The following ZMYM2 variants were observed in gnomAD, a reference collection of about 807,000 sequenced individuals.
The protein encoded by ZMYM2 is zinc finger MYM-type protein 2.
A neutral mutation model predicts 162.8 loss-of-function variants in ZMYM2; 56 were observed. The observed-to-expected ratio is 0.34, with a 90% confidence interval of 0.28 to 0.43. The LOEUF is 0.43. Among genes scored for constraint, ZMYM2 ranks in the 20% least tolerant of loss-of-function variants. The pLI is 1.00. For missense variants in ZMYM2, 1,275 were observed against 1,621.8 expected (o/e 0.79, Z 3.67); for synonymous variants, 510 against 541.6 (o/e 0.94, Z 0.81).
chr13:20,014,930 A>T (rs1477509043), intron 6 of ZMYM2, among the ~76,000 whole-genome samples: 1 of 151,636 alleles, frequency 6.6e-6, no homozygotes, highest in South Asian at 2.1e-4. Context: ...ACACCTGGCT[A>T]ATTTTTGTAT....
At chr13:19,884,772 G>A in the ZMYM2 span, among the ~76,000 whole-genome samples, 6 of 151,902 alleles carry the variant, frequency 3.9e-5, no homozygotes, top group Admixed American at 2.0e-4. Flanking sequence ...ACATAGTGCC[G>A]ACGCCCCCAA....
At chr13:19,937,584 C>CT in the ZMYM2 span, among the ~76,000 whole-genome samples, 61 of 131,224 alleles carry the variant, frequency 4.6e-4, no homozygotes, top group South Asian at 1.7e-3. Context: ...CTGTATTCTG[C>CT]TTTTTTTTTT....
At chr13:20,029,096 C>G (rs1952837873) in intron 9 of ZMYM2, among the ~76,000 whole-genome samples, 1 of 152,182 alleles carries the variant, frequency 6.6e-6, no homozygotes, top group South Asian at 2.1e-4. Flanking sequence ...ACTGCTATTA[C>G]AGAATACCTT....
At chr13:20,004,454 A>G (rs12868716) in intron 4 of ZMYM2, among the ~76,000 whole-genome samples, 4 of 151,940 alleles carry the variant, frequency 2.6e-5, no homozygotes, top group African/African-American at 9.7e-5. Flanking sequence ...ACGGGGTTTC[A>G]CCATGTTAGC....
chr13:19,958,785 A>C lies in ZMYM2; in HGVS notation c.-136A>C. ...CCGAGCGGAGTTGTGCGTGTCGCCGAAGGGGGGTGGGCCGGGGGAGGGGAG... is the reference window on the plus strand; with the variant it reads ...CCGAGCGGAGTTGTGCGTGTCGCCGCAGGGGGGTGGGCCGGGGGAGGGGAG... On this transcript the variant is annotated 5_prime_UTR_variant, in exon 1 of 25. Coordinates refer to ENST00000610343, the MANE Select transcript of ZMYM2 (RefSeq NM_197968.4). 1 of 130,522 alleles carries C rather than the reference A, an allele frequency of 7.7e-6. No homozygotes were observed. Among genetic ancestry groups the C allele is most frequent in the African/African-American group, 2.8e-5 (1 of 35,088 alleles). 8.1% of individuals were successfully genotyped at this position (130,522 alleles called of 1,614,324 possible).
In ZMYM2 at chr13:20,084,361, A is replaced by T. The variant is rs145234977; in HGVS notation, c.3941+585A>T. 3.9e-5 allele frequency among the ~76,000 whole-genome samples: 6 copies of T among 152,334 alleles called. No individual in the cohort carries two copies. In the East Asian group the frequency reaches 1.2e-3, roughly 29 times the overall value. ...CCAATGACAGCAAAGCAAGGGACAC[A>T]AACTTTTTCTTAAACGGTCAGATGG... On this transcript the variant is annotated intron_variant, in intron 24 of 24. Coordinates refer to ENST00000610343, the MANE Select transcript of ZMYM2 (RefSeq NM_197968.4).
At chr13:19,937,488 C>T in the ZMYM2 span, among the ~76,000 whole-genome samples, 2 of 142,220 alleles carry the variant, frequency 1.4e-5, no homozygotes, top group African/African-American at 5.2e-5. Flanking sequence ...GACAGAGTCT[C>T]AGTCTCGTTA....
chr13:19,923,742 C>T, the ZMYM2 span, among the ~76,000 whole-genome samples: 1 of 142,830 alleles, frequency 7.0e-6, no homozygotes, highest in Non-Finnish European at 1.5e-5. Context: ...ATGATCTTGG[C>T]TCACTTCAAC....
intron 7 of ZMYM2, among the ~76,000 whole-genome samples, chr13:20,020,408 A>AT (rs1055002164): frequency 5.9e-5 from 9 of 151,788 alleles, no homozygotes; most frequent in South Asian, 4.2e-4. Context: ...CTAATTTTGT[A>AT]TTTTTTTAGT....
the ZMYM2 span, among the ~76,000 whole-genome samples, chr13:19,882,783 C>T: frequency 8.4e-6 from 1 of 119,472 alleles, no homozygotes; most frequent in African/African-American, 3.9e-5. Flanking sequence ...CAATGACGTG[C>T]GCCACTTCAC....
the ZMYM2 span, among the ~76,000 whole-genome samples, chr13:19,927,852 A>G: frequency 6.6e-6 from 1 of 152,194 alleles, no homozygotes; most frequent in Non-Finnish European, 1.5e-5. Flanking sequence ...GATTAACATA[A>G]TATTTCACTA....
the ZMYM2 span, among the ~76,000 whole-genome samples, chr13:19,888,427 G>A: frequency 6.6e-6 from 1 of 151,832 alleles, no homozygotes; most frequent in Non-Finnish European, 1.5e-5. Context: ...AGGCTCAAAT[G>A]ATCCTCCTGC....
At chr13:19,984,028 A>G (rs1025394193) in intron 2 of ZMYM2, among the ~76,000 whole-genome samples, 1 of 152,224 alleles carries the variant, frequency 6.6e-6, no homozygotes, top group African/African-American at 2.4e-5. Flanking sequence ...TGCTGTAAAA[A>G]AGAGTTCACC....
intron 6 of ZMYM2, among the ~76,000 whole-genome samples, chr13:20,009,294 G>T (rs1566284793): frequency 6.6e-6 from 1 of 152,132 alleles, no homozygotes; most frequent in Non-Finnish European, 1.5e-5. Flanking sequence ...ACTAGGCTCT[G>T]ATGTTTTCAT....
intron 9 of ZMYM2, 21 bp downstream of exon 9, chr13:20,027,339 A>G: frequency 6.6e-7 from 1 of 1,507,288 alleles, no homozygotes; most frequent in Non-Finnish European, 9.0e-7. Flanking sequence ...TATTTTGCAT[A>G]ACCCATGCCC....
chr13:19,866,754 A>G, the ZMYM2 span, among the ~76,000 whole-genome samples: 3 of 152,084 alleles, frequency 2.0e-5, no homozygotes, highest in Non-Finnish European at 4.4e-5. Context: ...AAAATTAGCC[A>G]GAAGTGGTGC....
the ZMYM2 span, among the ~76,000 whole-genome samples, chr13:19,897,980 T>C: frequency 3.3e-5 from 5 of 152,042 alleles, no homozygotes; most frequent in African/African-American, 1.2e-4. Flanking sequence ...GAAACAACAC[T>C]ATGGAACAAT....
chr13:19,888,205 T>C, the ZMYM2 span, among the ~76,000 whole-genome samples: 1 of 151,708 alleles, frequency 6.6e-6, no homozygotes, highest in African/African-American at 2.4e-5. Flanking sequence ...TTTGTTTTTT[T>C]TGAGACAGTG....
the ZMYM2 span, among the ~76,000 whole-genome samples, chr13:19,907,427 G>C: frequency 6.6e-6 from 1 of 152,038 alleles, no homozygotes; most frequent in South Asian, 2.1e-4. Flanking sequence ...GAGTATATGG[G>C]AACTATCTGT....
Sources: gnomAD v4.1 joint callset for allele counts (sites outside exome capture counted in the v4.1 genomes callset) on GRCh38, gnomAD v4.1.1 for gene constraint, MANE v1.5 for transcripts, NCBI Gene and HGNC (gene_info 2026-07-23, HGNC 2026-07-21) for gene names.